Variants in MTMR2 observed in about 807,000 individuals in gnomAD.
MTMR2 encodes myotubularin related protein 2.
A neutral mutation model predicts 86.9 loss-of-function variants in MTMR2; 55 were observed. The ratio of observed to expected loss-of-function variants is 0.63; its 90% confidence interval spans 0.51 to 0.79. The LOEUF is 0.79. Among genes scored for constraint, MTMR2 ranks in the 30% least tolerant of loss-of-function variants. The probability of loss-of-function intolerance (pLI) is 0.00; values close to 1 mark genes in which losing one functional copy is unlikely to be tolerated. For missense variants in MTMR2, 659 were observed against 772.3 expected (o/e 0.85, Z 1.74); for synonymous variants, 241 against 266.8 (o/e 0.90, Z 0.94).
At chr11:95,911,770 G>C (rs1444108204) in intron 1 of MTMR2, among the ~76,000 whole-genome samples, 1 of 152,136 alleles carries the variant, frequency 6.6e-6, no homozygotes, top group Non-Finnish European at 1.5e-5. Flanking sequence ...AACACTAAAA[G>C]AGAGAAGGTG....
In MTMR2 at chr11:95,886,410, T is replaced by C. The variant is rs915551665; in HGVS notation, c.186+1746A>G. On this transcript the variant is annotated intron_variant, in intron 2 of 14. Transcript: ENST00000346299. ...TTAACATTATGCACTATGGCCCTCA[T>C]TTTGTCCAAATGTAAGCCAGTCATT... 2.0e-5 allele frequency among the ~76,000 whole-genome samples: 3 copies of C among 152,178 alleles called. No individual in the cohort carries two copies. The East Asian group carries it at 5.8e-4, about 29-fold the overall frequency.
intron 2 of MTMR2, among the ~76,000 whole-genome samples, chr11:95,882,910 T>G (rs1865386425): frequency 3.8e-5 from 5 of 130,446 alleles, no homozygotes; most frequent in African/African-American, 8.4e-5. Flanking sequence ...TTTTTTTTTT[T>G]TTTTTTTTTT....
intron 1 of MTMR2, among the ~76,000 whole-genome samples, chr11:95,899,492 T>C (rs1168680838): frequency 1.3e-5 from 2 of 152,196 alleles, no homozygotes; most frequent in East Asian, 3.8e-4. Flanking sequence ...ATTTACTGCT[T>C]ATCAGTGTGA....
intron 2 of MTMR2, among the ~76,000 whole-genome samples, chr11:95,868,751 T>C (rs1310154497): frequency 1.3e-5 from 2 of 152,002 alleles, no homozygotes; most frequent in African/African-American, 4.8e-5. Context: ...TGTAAGAATA[T>C]AGGTGGAAAA....
In MTMR2 at chr11:95,843,652, A is replaced by G. The variant is rs908708772; in HGVS notation, c.1386+1301T>C. 2.0e-5 allele frequency among the ~76,000 whole-genome samples: 3 copies of G among 152,316 alleles called. No individual in the cohort carries two copies. In the South Asian group the frequency reaches 6.2e-4, roughly 32 times the overall value. The stretch of plus-strand genomic sequence containing the variant: ...TAACAGATTGAAGGTAAAAATAGAT[A>G]TAAAATTCAGCTATCTTCTATTAAG... On this transcript the variant is annotated intron_variant, in intron 11 of 14. Transcript: ENST00000346299.
In MTMR2 at chr11:95,854,583, C is replaced by T. The variant is rs527401937; in HGVS notation, c.654+2969G>A. 3.3e-5 allele frequency among the ~76,000 whole-genome samples: 5 copies of T among 149,970 alleles called. No homozygotes were observed. In the South Asian group the frequency reaches 1.1e-3, roughly 32 times the overall value. On this transcript the variant is annotated intron_variant, in intron 7 of 14. Coordinates refer to ENST00000346299, the MANE Select transcript of MTMR2 (RefSeq NM_016156.6). ...AGGGCTCAAGCAATCCTCCCACATC[C>T]GCCTCCAGAGTAGCTAGGACTTCAG... is the stretch of plus-strand genomic sequence containing the variant.
intron 5 of MTMR2, among the ~76,000 whole-genome samples, chr11:95,860,788 C>T (rs568890249): frequency 6.6e-5 from 10 of 152,200 alleles, no homozygotes; most frequent in Admixed American, 2.6e-4. Flanking sequence ...CAAGTATCAA[C>T]GCATTTAAAG....
Position 95,847,780 on chromosome 11 carries a change from G to A in MTMR2, c.1113C>T (p.Tyr371=), listed in dbSNP as rs1479119125. 6 of 1,613,528 alleles carry A rather than the reference G, an allele frequency of 3.7e-6. No individual in the cohort carries two copies. Among genetic ancestry groups the A allele is most frequent in the South Asian group, 1.1e-5 (1 of 91,064 alleles). ...ESLRKLKEIV[Y]PNIEETHWLS... is the part of the protein sequence containing the mutation. ...ACCAGTGGGTTTCCTCAATGTTGGG[G>A]TACACAATCTCCTTAAGTTTTCGTA... is the stretch of plus-strand genomic sequence containing the variant. The change falls in exon 10 of 15, where the codon TAC becomes TAT. Residue 371 remains tyrosine (Y), a synonymous_variant. Coordinates refer to ENST00000346299, the MANE Select transcript of MTMR2 (RefSeq NM_016156.6).
At chr11:95,923,621 C>A in intron 1 of MTMR2, 1 of 1,339,984 alleles carries the variant, frequency 7.5e-7, no homozygotes, top group South Asian at 1.7e-5. Context: ...CTGGGACCAC[C>A]TCCATCGGGG....
Position 95,835,129 on chromosome 11 carries a change from G to T in MTMR2, c.*161C>A. ...TGGAGTTACTTCACTTAAGCCACCT[G>T]CACTGCTACAGTTCTAAACTCATCC... On this transcript the variant is annotated 3_prime_UTR_variant, in exon 15 of 15. Transcript: ENST00000346299. 1 of 719,436 alleles carries T rather than the reference G, an allele frequency of 1.4e-6. No homozygotes were observed. Among genetic ancestry groups the T allele is most frequent in the Non-Finnish European group, 2.4e-6 (1 of 419,988 alleles). 44.6% of individuals were successfully genotyped at this position (719,436 alleles called of 1,614,324 possible).
Position 95,840,670 on chromosome 11 carries a change from T to C in MTMR2, c.1479+947A>G, listed in dbSNP as rs372069150. On this transcript the variant is annotated intron_variant, in intron 12 of 14. Coordinates refer to ENST00000346299, the MANE Select transcript of MTMR2 (RefSeq NM_016156.6). The stretch of plus-strand genomic sequence containing the variant: ...TAATTCACCCAAGTAGAAATGCTTA[T>C]GGAGGCAAGGGACTGTTAAATATAT... 1.1e-4 allele frequency among the ~76,000 whole-genome samples: 17 copies of C among 152,290 alleles called. 1 individual carries two copies. In the East Asian group the frequency reaches 1.9e-3, roughly 17 times the overall value.
intron 12 of MTMR2, chr11:95,840,253 T>C (rs2135413300): frequency 6.6e-6 from 1 of 152,254 alleles, no homozygotes. Flanking sequence ...CACACAACCA[T>C]CAACAATACC....
intron 1 of MTMR2, among the ~76,000 whole-genome samples, chr11:95,908,251 T>TA (rs917395860): frequency 3.3e-5 from 5 of 150,640 alleles, no homozygotes; most frequent in Admixed American, 6.6e-5. Flanking sequence ...ACAATACCTA[T>TA]AAAAAAAATA....
At chr11:95,839,450 T>C (rs1217271537) in intron 12 of MTMR2, among the ~76,000 whole-genome samples, 1 of 152,086 alleles carries the variant, frequency 6.6e-6, no homozygotes, top group African/African-American at 2.4e-5. Context: ...TGCGATTAGT[T>C]TTTCATCTTC....
At chr11:95,910,557 G>C (rs1866461594) in intron 1 of MTMR2, among the ~76,000 whole-genome samples, 1 of 151,980 alleles carries the variant, frequency 6.6e-6, no homozygotes. Context: ...AGATTTAGGA[G>C]AGGCTGCATT....
intron 1 of MTMR2, 62 bp downstream of exon 1, chr11:95,923,813 A>AG: frequency 6.5e-7 from 1 of 1,528,542 alleles, no homozygotes; most frequent in Non-Finnish European, 8.8e-7. Context: ...ACAATCCAGC[A>AG]GGTCCCCGGC....
chr11:95,894,822 G>A (rs1160201711), intron 1 of MTMR2, among the ~76,000 whole-genome samples: 2 of 152,198 alleles, frequency 1.3e-5, no homozygotes, highest in East Asian at 3.9e-4. Context: ...AGTACCAAGG[G>A]AAGAGGGTAC....
At chr11:95,851,229 A>G (rs1264699292) in intron 7 of MTMR2, among the ~76,000 whole-genome samples, 1 of 150,902 alleles carries the variant, frequency 6.6e-6, no homozygotes, top group Non-Finnish European at 1.5e-5. Context: ...TGCTGGGCTA[A>G]TTTTTGTATT....
chr11:95,856,888 G>C (rs1402348722), intron 7 of MTMR2, among the ~76,000 whole-genome samples: 1 of 152,094 alleles, frequency 6.6e-6, no homozygotes, highest in East Asian at 1.9e-4. Context: ...GGATTTTTGA[G>C]TTAGCATGAA....
Sources: gnomAD v4.1 joint callset for allele counts (sites outside exome capture counted in the v4.1 genomes callset) on GRCh38, gnomAD v4.1.1 for gene constraint, MANE v1.5 for transcripts, NCBI Gene and HGNC (gene_info 2026-07-23, HGNC 2026-07-21) for gene names.